The following NREP variants were observed in gnomAD, a reference collection of about 807,000 sequenced individuals.
The protein encoded by NREP is neuronal regeneration-related protein.
In NREP, 5 loss-of-function variants were observed where a neutral mutation model predicts 8.6. That is an observed-to-expected ratio of 0.58 (90% CI 0.30 to 1.22). The LOEUF (loss-of-function observed/expected upper bound fraction) is 1.22, where lower values mean the gene tolerates loss of function less well. Ranked by LOEUF, NREP falls within the 50% of genes most tolerant of loss-of-function variation. The pLI, the probability that NREP is intolerant of heterozygous loss-of-function variation, is 0.07. For missense variants in NREP, 86 were observed against 82.5 expected (o/e 1.04, Z -0.17); for synonymous variants, 27 against 28.0 (o/e 0.96, Z 0.11).
Position 111,890,469 on chromosome 5 carries a change from T to C in NREP, c.135+84805A>G, listed in dbSNP as rs552096007. On this transcript the variant is annotated intron_variant, in intron 2 of 3. Coordinates refer to the NREP transcript ENST00000395634. ...CTCACAGCTCCACTAGGCAGTGCTCTGTTGGAGACTCTGTGTGTGGCCTAC... is the reference window on the plus strand; with the variant it reads ...CTCACAGCTCCACTAGGCAGTGCTCCGTTGGAGACTCTGTGTGTGGCCTAC... Among the ~76,000 whole-genome samples, 10 of 152,350 alleles carry C rather than the reference T, an allele frequency of 6.6e-5. No individual in the cohort carries two copies. The East Asian group carries it at 1.2e-3, about 18-fold the overall frequency.
At chr5:111,887,301 T>C (rs1754285153) in intron 2 of NREP, among the ~76,000 whole-genome samples, 1 of 152,206 alleles carries the variant, frequency 6.6e-6, no homozygotes, top group Non-Finnish European at 1.5e-5. Context: ...CAGGATGACA[T>C]GTATTACCAT....
At chr5:111,935,475 C>T (rs1755657825) in intron 2 of NREP, among the ~76,000 whole-genome samples, 1 of 152,032 alleles carries the variant, frequency 6.6e-6, no homozygotes, top group Admixed American at 6.6e-5. Flanking sequence ...GAACACAGAA[C>T]AAATGAAGTC....
chr5:111,919,523 C>T (rs932403833), intron 2 of NREP, among the ~76,000 whole-genome samples: 4 of 152,054 alleles, frequency 2.6e-5, no homozygotes, highest in Non-Finnish European at 4.4e-5. Context: ...CACATATACA[C>T]CATGGAATAC....
chr5:111,773,800 A>C (rs1221543260), intron 2 of NREP, among the ~76,000 whole-genome samples: 1 of 152,124 alleles, frequency 6.6e-6, no homozygotes, highest in Non-Finnish European at 1.5e-5. Flanking sequence ...AACACTGTCA[A>C]GTCCAAATTT....
intron 2 of NREP, among the ~76,000 whole-genome samples, chr5:111,975,053 A>T (rs928298356): frequency 6.6e-6 from 1 of 152,244 alleles, no homozygotes; most frequent in Non-Finnish European, 1.5e-5. Flanking sequence ...GCACTTCCAC[A>T]GGGAATGAAG....
intron 2 of NREP, among the ~76,000 whole-genome samples, chr5:111,827,474 C>T (rs1752655961): frequency 6.6e-6 from 1 of 152,230 alleles, no homozygotes; most frequent in African/African-American, 2.4e-5. Flanking sequence ...AACCAGGCTG[C>T]TCCTCCAAGG....
chr5:111,952,934 T>C (rs1756205637), intron 2 of NREP, among the ~76,000 whole-genome samples: 3 of 152,132 alleles, frequency 2.0e-5, no homozygotes, highest in Admixed American at 1.3e-4. Context: ...ATACCTTGCT[T>C]GTACTGTTTT....
intron 2 of NREP, among the ~76,000 whole-genome samples, chr5:111,844,670 T>C (rs1753114893): frequency 6.9e-6 from 1 of 145,212 alleles, no homozygotes; most frequent in South Asian, 2.2e-4. Flanking sequence ...ATATATATTA[T>C]ATATATATTA....
At chr5:111,895,284 A>C (rs1459075121) in intron 2 of NREP, among the ~76,000 whole-genome samples, 1 of 152,190 alleles carries the variant, frequency 6.6e-6, no homozygotes, top group Non-Finnish European at 1.5e-5. Flanking sequence ...AGAGGAGATG[A>C]GGAACGGGGA....
chr5:111,808,806 A>G (rs1240735610), intron 2 of NREP, among the ~76,000 whole-genome samples: 1 of 152,102 alleles, frequency 6.6e-6, no homozygotes, highest in Non-Finnish European at 1.5e-5. Context: ...TGCCTTTTCT[A>G]TGTCTTCTAC....
intron 3 of NREP, among the ~76,000 whole-genome samples, chr5:111,731,340 G>T (rs988797356): frequency 1.3e-5 from 2 of 151,352 alleles, no homozygotes; most frequent in African/African-American, 4.9e-5. Flanking sequence ...CCCAGTGTCA[G>T]GTTTCTTGGG....
At chr5:111,815,900 A>G (rs1752374809) in intron 2 of NREP, among the ~76,000 whole-genome samples, 1 of 152,148 alleles carries the variant, frequency 6.6e-6, no homozygotes, top group Non-Finnish European at 1.5e-5. Flanking sequence ...GTCCAAGAAA[A>G]CCACATCTAG....
intron 2 of NREP, among the ~76,000 whole-genome samples, chr5:111,869,979 CATAG>C (rs1442867853): frequency 2.0e-5 from 3 of 152,150 alleles, no homozygotes; most frequent in Non-Finnish European, 4.4e-5. Flanking sequence ...AGAACTTCAG[CATAG>C]ATAGTGTTAT....
intron 2 of NREP, among the ~76,000 whole-genome samples, chr5:111,891,489 AT>A (rs1379911968): frequency 6.6e-6 from 1 of 152,102 alleles, no homozygotes; most frequent in Non-Finnish European, 1.5e-5. Flanking sequence ...TCATTTCCAT[AT>A]TTTCAGATAT....
intron 2 of NREP, among the ~76,000 whole-genome samples, chr5:111,969,841 T>TC (rs965974560): frequency 2.0e-5 from 3 of 152,128 alleles, no homozygotes; most frequent in Non-Finnish European, 2.9e-5. Context: ...AAGCTGAGGG[T>TC]CACTGGGTAA....
intron 2 of NREP, among the ~76,000 whole-genome samples, chr5:111,744,392 G>C (rs1041945416): frequency 6.6e-6 from 1 of 151,886 alleles, no homozygotes; most frequent in African/African-American, 2.4e-5. Flanking sequence ...AAATCACAGG[G>C]TACAGAATTC....
chr5:111,818,785 A>T (rs903354509), intron 2 of NREP, among the ~76,000 whole-genome samples: 6 of 152,216 alleles, frequency 3.9e-5, no homozygotes, highest in Admixed American at 3.3e-4. Context: ...AGTGGTAAGG[A>T]TAAAAAAACT....
chr5:111,824,520 A>G (rs1752577954), intron 2 of NREP, among the ~76,000 whole-genome samples: 1 of 152,214 alleles, frequency 6.6e-6, no homozygotes. Context: ...ATGGAAACAC[A>G]GCTCTTTTTT....
At chr5:111,938,644 T>G (rs1182594395) in intron 2 of NREP, among the ~76,000 whole-genome samples, 1 of 152,026 alleles carries the variant, frequency 6.6e-6, no homozygotes, top group Non-Finnish European at 1.5e-5. Context: ...CCGGGGATAA[T>G]ATCATGTTGG....
Sources: allele counts gnomAD v4.1 joint callset (sites outside exome capture counted in the v4.1 genomes callset), GRCh38; gene constraint gnomAD v4.1.1; transcripts MANE v1.5; gene names NCBI Gene and HGNC (gene_info 2026-07-23, HGNC 2026-07-21).